IARS1: variants seen among roughly 807,000 people sequenced by gnomAD.
The protein encoded by IARS1 is isoleucine--tRNA ligase, cytoplasmic.
Under a neutral mutation model 168.2 loss-of-function variants are expected in IARS1, and 124 were observed. The ratio of observed to expected loss-of-function variants is 0.74; its 90% CI spans 0.64 to 0.86. The LOEUF is 0.86. IARS1 is among the 40% of genes least tolerant of loss of function. IARS1 has a pLI of 0.00. For missense variants in IARS1, 1,452 were observed against 1,515.8 expected (o/e 0.96, Z 0.70); for synonymous variants, 532 against 529.4 (o/e 1.00, Z -0.07).
intron 6 of IARS1, among the ~76,000 whole-genome samples, chr9:92,283,394 C>T (rs546340499): frequency 3.3e-4 from 50 of 152,302 alleles, no homozygotes; most frequent in Admixed American, 1.5e-3. Context: ...TAAAAATACC[C>T]GCACTTTGGG....
At chr9:92,275,458 C>T (rs1029415916) in intron 9 of IARS1, among the ~76,000 whole-genome samples, 3 of 152,168 alleles carry the variant, frequency 2.0e-5, no homozygotes, top group Non-Finnish European at 4.4e-5. Flanking sequence ...TAAAACTAAA[C>T]TTGAAAAATA....
intron 1 of IARS1, among the ~76,000 whole-genome samples, chr9:92,291,122 G>A (rs1836256275): frequency 6.6e-6 from 1 of 151,974 alleles, no homozygotes; most frequent in Non-Finnish European, 1.5e-5. Flanking sequence ...TATGACTTAA[G>A]TATCTAGTGA....
intron 20 of IARS1, among the ~76,000 whole-genome samples, chr9:92,253,668 T>C (rs1266789403): frequency 6.6e-6 from 1 of 152,104 alleles, no homozygotes; most frequent in African/African-American, 2.4e-5. Context: ...CACAAAAAAA[T>C]CACCATGTGA....
At chr9:92,217,084 C>CG (rs1419355831) in intron 33 of IARS1, among the ~76,000 whole-genome samples, 7 of 149,006 alleles carry the variant, frequency 4.7e-5, no homozygotes, top group South Asian at 2.1e-4. Flanking sequence ...TCTCAGACCA[C>CG]AGTGCAATCA....
At chr9:92,283,620 A>G (rs921102605) in intron 6 of IARS1, among the ~76,000 whole-genome samples, 5 of 152,180 alleles carry the variant, frequency 3.3e-5, no homozygotes, top group African/African-American at 1.2e-4. Context: ...CAGCCTGGGC[A>G]TCAGAGTGAG....
In IARS1 at chr9:92,228,921, A is replaced by G. The variant is rs538182370; in HGVS notation, c.3409+80T>C. ...GTTAGGAAAAATGCAAAAGTTGTAT[A>G]GTACAACTGACAGCAAATTAAGACC... On this transcript the variant is annotated intron_variant, in intron 31 of 33. Transcript: ENST00000443024. 6 of 1,524,534 alleles carry G rather than the reference A, an allele frequency of 3.9e-6. No homozygotes were observed. The South Asian group carries it at 7.0e-5, about 18-fold the overall frequency. 94.4% of individuals were successfully genotyped at this position (1,524,534 alleles called of 1,614,324 possible). A position where few individuals can be genotyped will look rare whatever the true frequency, so the allele number is the denominator to read the frequency against.
At chr9:92,274,745 A>G (rs1833559730) in intron 9 of IARS1, among the ~76,000 whole-genome samples, 1 of 152,216 alleles carries the variant, frequency 6.6e-6, no homozygotes. Context: ...TTATCTGGAG[A>G]ATGGCAGATA....
chr9:92,217,114 G>A (rs1337571832), intron 33 of IARS1, among the ~76,000 whole-genome samples: 4 of 150,628 alleles, frequency 2.7e-5, no homozygotes, highest in Admixed American at 2.0e-4. Context: ...TCAGGATTAA[G>A]AATCTCACTC....
chr9:92,229,358 T>TACACACACACAC (rs113517739), intron 30 of IARS1, among the ~76,000 whole-genome samples: 1,718 of 144,880 alleles, frequency 0.012, 33 homozygotes, highest in African/African-American at 0.04. Flanking sequence ...ATATATACAC[T>TACACACACACAC]ACACACACAC....
Position 92,216,888 on chromosome 9 carries a change from C to G in IARS1, c.3706+5632G>C, listed in dbSNP as rs1220851541. Among the ~76,000 whole-genome samples, 3 of 149,580 alleles carry G rather than the reference C, an allele frequency of 2.0e-5. No individual in the cohort carries two copies. In the East Asian group the frequency reaches 5.9e-4, roughly 30 times the overall value. ...ACGAGACAGAAAGTCAACAAGGATACCCAGGAATTGAACTCAGCTCTGCAC... is the reference window on the plus strand; with the variant it reads ...ACGAGACAGAAAGTCAACAAGGATAGCCAGGAATTGAACTCAGCTCTGCAC... On this transcript the variant is annotated intron_variant, in intron 33 of 33. Transcript: ENST00000443024.
At chr9:92,242,063 T>C (rs1828498352) in intron 29 of IARS1, 91 bp downstream of exon 29, 1 of 962,050 alleles carries the variant, frequency 1.0e-6, no homozygotes, top group Non-Finnish European at 1.6e-6. Context: ...TGCCGATCTC[T>C]ACTGTGGGAC....
chr9:92,240,357 G>C (rs1285915995), intron 30 of IARS1: 1 of 290,054 alleles, frequency 3.4e-6, no homozygotes, highest in Admixed American at 4.6e-5. Context: ...TCCACCTCCC[G>C]GGTTCAAGAA....
chr9:92,216,111 C>G (rs1239499093), intron 33 of IARS1, among the ~76,000 whole-genome samples: 1 of 151,020 alleles, frequency 6.6e-6, no homozygotes, highest in Non-Finnish European at 1.5e-5. Flanking sequence ...GAGTGGGGGC[C>G]AATATTCAAC....
intron 30 of IARS1, among the ~76,000 whole-genome samples, chr9:92,234,142 T>C (rs945718450): frequency 6.6e-6 from 1 of 152,190 alleles, no homozygotes; most frequent in Non-Finnish European, 1.5e-5. Flanking sequence ...TATAGATTGC[T>C]ATTATGAAAT....
At chr9:92,265,337 A>G (rs1832134294) in intron 15 of IARS1, 143 bp downstream of exon 15, 1 of 839,344 alleles carries the variant, frequency 1.2e-6, no homozygotes, top group African/African-American at 1.7e-5. Flanking sequence ...GACAGAGGCC[A>G]CAATACTGCA....
chr9:92,272,097 G>A lies in IARS1; in HGVS notation c.991-442C>T, dbSNP rs141883060. Among the ~76,000 whole-genome samples the A allele has an allele frequency of 1.8e-4, 27 of 152,336 alleles. No homozygotes were observed. The East Asian group carries it at 4.2e-3, about 24-fold the overall frequency. ...TTCCTATTTTACAGATAGGAAAGTC[G>A]AGGTACCAAGAAGTAACTCAGCTAT... On this transcript the variant is annotated intron_variant, in intron 10 of 33. Transcript: ENST00000443024.
intron 33 of IARS1, among the ~76,000 whole-genome samples, chr9:92,220,533 C>T (rs1284716028): frequency 6.6e-6 from 1 of 152,192 alleles, no homozygotes; most frequent in Non-Finnish European, 1.5e-5. Flanking sequence ...AGGAGAATCG[C>T]TTGAACCCAG....
At chr9:92,253,001 T>C (rs1830234099) in intron 21 of IARS1, among the ~76,000 whole-genome samples, 1 of 152,040 alleles carries the variant, frequency 6.6e-6, no homozygotes, top group South Asian at 2.1e-4. Context: ...TAGAAGGAAG[T>C]ACCCCTCTCA....
At chr9:92,222,950 A>T (rs1839882701) in intron 32 of IARS1, among the ~76,000 whole-genome samples, 1 of 152,166 alleles carries the variant, frequency 6.6e-6, no homozygotes, top group Non-Finnish European at 1.5e-5. Flanking sequence ...GAGCCCGAAG[A>T]CTTCAGTACA....
Sources: gnomAD v4.1 joint callset for allele counts (sites outside exome capture counted in the v4.1 genomes callset) on GRCh38, gnomAD v4.1.1 for gene constraint, MANE v1.5 for transcripts, NCBI Gene and HGNC (gene_info 2026-07-23, HGNC 2026-07-21) for gene names.